FOXN3: variants seen among roughly 807,000 people sequenced by gnomAD.
FOXN3 encodes the protein forkhead box N3.
In FOXN3, 7 loss-of-function variants were observed where a neutral mutation model predicts 38.4. The observed-to-expected ratio is 0.18, with a 90% confidence interval of 0.10 to 0.34. The LOEUF (loss-of-function observed/expected upper bound fraction) is 0.34, where lower values mean the gene tolerates loss of function less well. Ranked by LOEUF, FOXN3 falls within the 10% of genes least tolerant of loss-of-function variation. The pLI is 1.00. For synonymous variants in FOXN3, 230 were observed against 242.2 expected (o/e 0.95, Z 0.47); for missense variants, 456 against 613.4 (o/e 0.74, Z 2.71).
At chr14:89,578,560 A>T (rs968855545) in intron 1 of FOXN3, among the ~76,000 whole-genome samples, 3 of 152,146 alleles carry the variant, frequency 2.0e-5, no homozygotes, top group African/African-American at 4.8e-5. Flanking sequence ...CTTGTTCTCC[A>T]CTTCCCCACC....
At chr14:89,285,250 G>A (rs1286057303) in intron 3 of FOXN3, among the ~76,000 whole-genome samples, 2 of 152,188 alleles carry the variant, frequency 1.3e-5, no homozygotes, top group African/African-American at 2.4e-5. Flanking sequence ...GCCAGGCATC[G>A]TGGCTCACGC....
chr14:89,282,927 T>G (rs1235540436), intron 3 of FOXN3, among the ~76,000 whole-genome samples: 1 of 152,210 alleles, frequency 6.6e-6, no homozygotes, highest in African/African-American at 2.4e-5. Context: ...AACATCCTTT[T>G]AATGTACTTA....
intron 2 of FOXN3, among the ~76,000 whole-genome samples, chr14:89,385,829 C>T (rs759705395): frequency 6.6e-6 from 1 of 152,188 alleles, no homozygotes; most frequent in Admixed American, 6.5e-5. Context: ...AGTTGGCTAA[C>T]GTTCTCTCAG....
In FOXN3 at chr14:89,312,284, C is replaced by CAAAAAAAA. The variant is rs59949946; in HGVS notation, c.681-31278_681-31271dup. Among the ~76,000 whole-genome samples, 136 of 60,582 alleles carry CAAAAAAAA rather than the reference C, an allele frequency of 2.2e-3. 10 individuals carry two copies. Among genetic ancestry groups the CAAAAAAAA allele is most frequent in the East Asian group, 0.015 (29 of 1,936 alleles). 39.7% of individuals were successfully genotyped at this position (60,582 alleles called of 152,430 possible). A position where few individuals can be genotyped will look rare whatever the true frequency, so the allele number is the denominator to read the frequency against. On this transcript the variant is annotated intron_variant, in intron 3 of 5. Transcript: ENST00000557258. ...TGGGTGACAGAGCAAGACTCGGTCT[C>CAAAAAAAA]AAAAAAAAAAAAAAAAAGAAGCCAA...
chr14:89,318,455 G>A (rs1007091253), intron 3 of FOXN3, among the ~76,000 whole-genome samples: 9 of 152,088 alleles, frequency 5.9e-5, no homozygotes, highest in South Asian at 2.1e-4. Context: ...CAACACACCC[G>A]GCCCCTTTTT....
chr14:89,293,162 A>T (rs1415391160), intron 3 of FOXN3, among the ~76,000 whole-genome samples: 1 of 152,138 alleles, frequency 6.6e-6, no homozygotes, highest in African/African-American at 2.4e-5. Flanking sequence ...CAGATGCTGG[A>T]GGGTATCTCC....
At chr14:89,297,411 T>C (rs1046840418) in intron 3 of FOXN3, among the ~76,000 whole-genome samples, 2 of 151,598 alleles carry the variant, frequency 1.3e-5, no homozygotes, top group Admixed American at 6.6e-5. Flanking sequence ...ACAAAAAAAA[T>C]TAGCCGGGCG....
chr14:89,184,626 G>A (rs1200974726), intron 4 of FOXN3, among the ~76,000 whole-genome samples: 1 of 152,214 alleles, frequency 6.6e-6, no homozygotes, highest in African/African-American at 2.4e-5. Flanking sequence ...GTTTGGCCTT[G>A]CCCCGTTACT....
At chr14:89,325,289 C>CCACCAACACCAA (rs796102165) in intron 3 of FOXN3, among the ~76,000 whole-genome samples, 3 of 128,656 alleles carry the variant, frequency 2.3e-5, no homozygotes, top group African/African-American at 5.7e-5. Context: ...AACACCAACA[C>CCACCAACACCAA]CACCAACACC....
At chr14:89,591,803 T>C (rs1452135478) in intron 1 of FOXN3, among the ~76,000 whole-genome samples, 2 of 152,098 alleles carry the variant, frequency 1.3e-5, no homozygotes, top group Admixed American at 6.5e-5. Context: ...CACATGCCCG[T>C]AGTTCTAGCT....
chr14:89,445,172 A>C (rs1465757713), intron 1 of FOXN3, among the ~76,000 whole-genome samples: 2 of 152,078 alleles, frequency 1.3e-5, no homozygotes, highest in African/African-American at 2.4e-5. Context: ...GCTTGCAAGC[A>C]GACTAGGGTT....
intron 4 of FOXN3, among the ~76,000 whole-genome samples, chr14:89,204,933 T>C (rs1419699201): frequency 7.0e-6 from 1 of 143,354 alleles, no homozygotes; most frequent in East Asian, 1.9e-4. Flanking sequence ...TATGGAAATG[T>C]AGATTCAGGA....
intron 2 of FOXN3, among the ~76,000 whole-genome samples, chr14:89,390,313 CTATA>C (rs56143578): frequency 4.9e-5 from 7 of 143,560 alleles, no homozygotes; most frequent in Non-Finnish European, 9.1e-5. Flanking sequence ...CTCTCTCTCT[CTATA>C]TATATATAAA....
intron 4 of FOXN3, among the ~76,000 whole-genome samples, chr14:89,241,175 C>T (rs11504649): frequency 0.038 from 5,735 of 152,296 alleles, 327 homozygotes; most frequent in African/African-American, 0.13. Context: ...CATTGCTCTT[C>T]GATGGCCTAT....
intron 1 of FOXN3, among the ~76,000 whole-genome samples, chr14:89,500,904 G>A (rs1432856594): frequency 6.6e-6 from 1 of 152,214 alleles, no homozygotes; most frequent in Non-Finnish European, 1.5e-5. Flanking sequence ...TCCTATGAAT[G>A]GAAACGTCTC....
intron 2 of FOXN3, among the ~76,000 whole-genome samples, chr14:89,374,263 CAAAAAAAAAA>C (rs35623770): frequency 2.9e-4 from 14 of 48,174 alleles, no homozygotes; most frequent in East Asian, 1.5e-3. Flanking sequence ...GACCTTGTCT[CAAAAAAAAAA>C]AAAAAAAAAA....
chr14:89,165,200 C>G (rs988468280), intron 5 of FOXN3, among the ~76,000 whole-genome samples: 2 of 152,196 alleles, frequency 1.3e-5, no homozygotes, highest in African/African-American at 2.4e-5. Flanking sequence ...TCCTTACAGA[C>G]AGAGCCTGGC....
intron 2 of FOXN3, chr14:89,401,737 A>C (rs1269444042): frequency 2.2e-6 from 1 of 447,938 alleles, no homozygotes; most frequent in Non-Finnish European, 4.5e-6. Context: ...ACATTAGTTA[A>C]ATCACTTATC....
chr14:89,292,500 G>C (rs1006317616), intron 3 of FOXN3, among the ~76,000 whole-genome samples: 1 of 152,192 alleles, frequency 6.6e-6, no homozygotes, highest in African/African-American at 2.4e-5. Flanking sequence ...TTAAGAGGTA[G>C]GGCCTTTAAA....
Sources: allele counts gnomAD v4.1 joint callset (sites outside exome capture counted in the v4.1 genomes callset), GRCh38; gene constraint gnomAD v4.1.1; transcripts MANE v1.5; gene names NCBI Gene and HGNC (gene_info 2026-07-23, HGNC 2026-07-21).